Variants in CDH18 observed in about 807,000 individuals in gnomAD.
CDH18 encodes the protein cadherin 18.
A neutral mutation model predicts 67.9 loss-of-function variants in CDH18; 31 were observed. The ratio of observed to expected loss-of-function variants is 0.46; its 90% CI spans 0.34 to 0.62. CDH18 has a LOEUF of 0.62. Ranked by LOEUF, CDH18 falls within the 20% of genes least tolerant of loss-of-function variation. The pLI is 0.01. For synonymous variants in CDH18, 362 were observed against 347.2 expected, an observed-to-expected ratio of 1.04 and a Z score of -0.48; for missense variants, 890 against 975.5, an observed-to-expected ratio of 0.91 and a Z score of 1.17.
chr5:20,303,709 C>CG (rs1357747117), intron 1 of CDH18, among the ~76,000 whole-genome samples: 1 of 151,946 alleles, frequency 6.6e-6, no homozygotes, highest in Non-Finnish European at 1.5e-5. Context: ...CCAAAACCCA[C>CG]GGGTTGTAAG....
intron 4 of CDH18, among the ~76,000 whole-genome samples, chr5:19,727,560 AAT>A (rs1290389394): frequency 3.9e-5 from 6 of 152,150 alleles, no homozygotes; most frequent in African/African-American, 1.4e-4. Flanking sequence ...ACTGTAAGAT[AAT>A]ACATTTCTGT....
intron 2 of CDH18, among the ~76,000 whole-genome samples, chr5:19,913,928 G>A (rs908650705): frequency 6.6e-6 from 1 of 152,038 alleles, no homozygotes; most frequent in African/African-American, 2.4e-5. Flanking sequence ...ATGTGCAGTG[G>A]AATAACTATG....
chr5:20,268,455 A>C (rs963431085), intron 1 of CDH18, among the ~76,000 whole-genome samples: 2 of 152,202 alleles, frequency 1.3e-5, no homozygotes, highest in African/African-American at 2.4e-5. Flanking sequence ...AGACTTAAAC[A>C]GATTGGGCAC....
At chr5:19,594,515 A>G in intron 6 of CDH18, among the ~76,000 whole-genome samples, 1 of 152,076 alleles carries the variant, frequency 6.6e-6, no homozygotes, top group Non-Finnish European at 1.5e-5. Flanking sequence ...AGATGATTTT[A>G]CTACCTGTGT....
chr5:19,999,323 G>A (rs1209747986), intron 2 of CDH18, among the ~76,000 whole-genome samples: 1 of 152,034 alleles, frequency 6.6e-6, no homozygotes, highest in Non-Finnish European at 1.5e-5. Context: ...GACGCAACCG[G>A]GCAGGGTGAC....
At chr5:19,605,751 T>C (rs1048298982) in intron 6 of CDH18, among the ~76,000 whole-genome samples, 1 of 152,114 alleles carries the variant, frequency 6.6e-6, no homozygotes, top group Non-Finnish European at 1.5e-5. Flanking sequence ...TATGCACATA[T>C]ACTGAGGGTA....
intron 2 of CDH18, among the ~76,000 whole-genome samples, chr5:20,113,699 CAAT>C (rs1036803496): frequency 1.3e-5 from 2 of 152,034 alleles, no homozygotes; most frequent in African/African-American, 4.8e-5. Flanking sequence ...GTTGGCAAGA[CAAT>C]AACAGAAATA....
intron 2 of CDH18, among the ~76,000 whole-genome samples, chr5:19,867,592 T>C (rs1183245840): frequency 1.7e-5 from 2 of 114,506 alleles, no homozygotes; most frequent in Non-Finnish European, 1.9e-5. Flanking sequence ...TATTGCTTGA[T>C]TGATGTAATT....
chr5:20,420,865 C>T lies in CDH18; in HGVS notation c.-580+154597G>A, dbSNP rs564520793. Among the ~76,000 whole-genome samples the T allele has an allele frequency of 2.6e-3, 387 of 151,248 alleles. 29 individuals carry two copies. Among genetic ancestry groups the T allele is most frequent in the African/African-American group, 9.2e-3 (375 of 40,620 alleles). On this transcript the variant is annotated intron_variant, in intron 1 of 14. Transcript: ENST00000507958. ...AGTAGTAAGTCAGCAAAAAAATCTT[C>T]TTTCACTATATAGTCATTGATTTTG...
At chr5:20,552,599 T>A (rs1757690808) in intron 1 of CDH18, among the ~76,000 whole-genome samples, 1 of 152,162 alleles carries the variant, frequency 6.6e-6, no homozygotes, top group African/African-American at 2.4e-5. Flanking sequence ...TTGTCAGGGT[T>A]TCAAATACTT....
intron 1 of CDH18, among the ~76,000 whole-genome samples, chr5:20,436,494 G>T (rs1749173964): frequency 6.6e-6 from 1 of 151,630 alleles, no homozygotes; most frequent in Non-Finnish European, 1.5e-5. Context: ...AATATAATCT[G>T]TCAGTAAAAG....
intron 1 of CDH18, among the ~76,000 whole-genome samples, chr5:20,382,383 A>G (rs1035800671): frequency 2.0e-5 from 3 of 152,130 alleles, no homozygotes; most frequent in Non-Finnish European, 4.4e-5. Context: ...GAATGAATGG[A>G]AGGCTTTTTG....
chr5:20,332,227 C>A (rs1739251786), intron 1 of CDH18, among the ~76,000 whole-genome samples: 1 of 152,106 alleles, frequency 6.6e-6, no homozygotes, highest in Non-Finnish European at 1.5e-5. Flanking sequence ...CATATTTGGT[C>A]CCAATAAGAG....
intron 1 of CDH18, among the ~76,000 whole-genome samples, chr5:20,528,529 A>G (rs1427801789): frequency 2.0e-5 from 3 of 152,188 alleles, no homozygotes; most frequent in South Asian, 4.1e-4. Context: ...GCAAATGCAA[A>G]ATAACTGAAG....
chr5:19,636,661 AT>A (rs1254724688), intron 5 of CDH18, among the ~76,000 whole-genome samples: 1 of 151,784 alleles, frequency 6.6e-6, no homozygotes, highest in Non-Finnish European at 1.5e-5. Flanking sequence ...TATTTATATA[AT>A]TTTTTGATAT....
In CDH18 at chr5:19,679,262, G is replaced by T. The variant is rs1228665808; in HGVS notation, c.643+42085C>A. ...TTGATACACTTCAACACCCCTTCAT[G>T]TTGAAAATTCTCAACAAACTAGGCA... On this transcript the variant is annotated intron_variant, in intron 5 of 12. Coordinates refer to ENST00000382275, the MANE Select transcript of CDH18 (RefSeq NM_004934.5). Among the ~76,000 whole-genome samples the T allele has an allele frequency of 4.6e-5, 7 of 151,898 alleles. No homozygotes were observed. The South Asian group carries it at 8.3e-4, about 18-fold the overall frequency.
At chr5:20,234,656 G>T (rs1353392247) in intron 2 of CDH18, among the ~76,000 whole-genome samples, 1 of 152,052 alleles carries the variant, frequency 6.6e-6, no homozygotes, top group African/African-American at 2.4e-5. Flanking sequence ...CACTCATTCT[G>T]CTCTAATTTG....
chr5:20,242,625 T>TACATGTATAC (rs1561906010), intron 2 of CDH18, among the ~76,000 whole-genome samples: 1 of 104,176 alleles, frequency 9.6e-6, no homozygotes, highest in East Asian at 2.8e-4. Context: ...TATATATATA[T>TACATGTATAC]ATATATATGT....
intron 3 of CDH18, chr5:19,803,864 G>C (rs1382875438): frequency 1.3e-5 from 2 of 152,226 alleles, no homozygotes; most frequent in Non-Finnish European, 2.9e-5. Context: ...GCTCAAGTCT[G>C]TAATCCCAGC....
Sources: allele counts gnomAD v4.1 joint callset (sites outside exome capture counted in the v4.1 genomes callset), GRCh38; gene constraint gnomAD v4.1.1; transcripts MANE v1.5; gene names NCBI Gene and HGNC (gene_info 2026-07-23, HGNC 2026-07-21).